GLI3: variants seen among roughly 807,000 people sequenced by gnomAD.
The protein encoded by GLI3 is transcription activator GLI3.
A neutral mutation model predicts 100.8 loss-of-function variants in GLI3; 20 were observed. The observed-to-expected ratio is 0.20, with a 90% confidence interval of 0.14 to 0.29. The LOEUF is 0.29. Among genes scored for constraint, GLI3 ranks in the 10% least tolerant of loss-of-function variants. The pLI is 1.00. For missense variants in GLI3, 2,040 were observed against 2,128.5 expected, an observed-to-expected ratio of 0.96 and a Z score of 0.82; for synonymous variants, 938 against 860.5, an observed-to-expected ratio of 1.09 and a Z score of -1.58.
chr7:42,149,953 A>C (rs930046464), intron 2 of GLI3: 1 of 152,240 alleles, frequency 6.6e-6, no homozygotes, highest in African/African-American at 2.4e-5. Flanking sequence ...AACTACCTAA[A>C]GCCAGCAGCA....
chr7:42,012,290 G>C (rs1345006920), intron 10 of GLI3, among the ~76,000 whole-genome samples: 4 of 152,188 alleles, frequency 2.6e-5, no homozygotes, highest in Admixed American at 6.5e-5. Context: ...GACAAGCCTC[G>C]TTATTAATCT....
rs185656353 is a variant in GLI3 at position 42,105,965 on chromosome 7, A to G, written c.368-29108T>C. Among the ~76,000 whole-genome samples the G allele has an allele frequency of 2.4e-3, 363 of 152,286 alleles. 2 individuals carry two copies. Among genetic ancestry groups the G allele is most frequent in the Middle Eastern group, 0.024 (7 of 294 alleles). The stretch of plus-strand genomic sequence containing the variant: ...ACCAGGAAATCAAATTTCTCAGTAC[A>G]TACCTCAATGATGAACCTTCCTTTT... On this transcript the variant is annotated intron_variant, in intron 3 of 14. Transcript: ENST00000395925.
intron 6 of GLI3, among the ~76,000 whole-genome samples, chr7:42,041,144 G>A (rs1784128650): frequency 6.6e-6 from 1 of 152,164 alleles, no homozygotes; most frequent in African/African-American, 2.4e-5. Flanking sequence ...AACCTATAGG[G>A]CATTTTAGCT....
intron 10 of GLI3, among the ~76,000 whole-genome samples, chr7:42,016,596 G>A (rs769988100): frequency 7.9e-5 from 12 of 152,088 alleles, no homozygotes; most frequent in South Asian, 2.1e-4. Flanking sequence ...ACCCAGGTCT[G>A]TCTGCTTTGA....
chr7:42,237,588 C>G (rs943230617), upstream of GLI3, among the ~76,000 whole-genome samples: 71 of 151,360 alleles, frequency 4.7e-4, no homozygotes, highest in African/African-American at 1.7e-3. Flanking sequence ...CCTCCCCGCG[C>G]TCCTCCTCCC....
At chr7:42,189,011 T>A (rs1317239120) in intron 2 of GLI3, among the ~76,000 whole-genome samples, 1 of 152,176 alleles carries the variant, frequency 6.6e-6, no homozygotes, top group Non-Finnish European at 1.5e-5. Flanking sequence ...GATAATGCGA[T>A]GTCCATGTTG....
In GLI3 at chr7:42,032,232, T is replaced by C. The variant is rs183414004; in HGVS notation, c.1029-5820A>G. ...GTACTTTATACAAATCCCATTTATA[T>C]TGCCAAAGAAAAAAAAAATTATTTG... is the stretch of plus-strand genomic sequence containing the variant. On this transcript the variant is annotated intron_variant, in intron 7 of 14. Transcript: ENST00000395925. Among the ~76,000 whole-genome samples, 269 of 152,234 alleles carry C rather than the reference T, an allele frequency of 1.8e-3. 2 individuals are homozygous for C. The highest frequency in any genetic ancestry group is 6.8e-3 in the Middle Eastern group (2 of 294).
intron 3 of GLI3, among the ~76,000 whole-genome samples, chr7:42,126,934 C>T (rs1026763079): frequency 1.3e-5 from 2 of 152,154 alleles, no homozygotes; most frequent in Non-Finnish European, 2.9e-5. Context: ...AGAGTGAGAA[C>T]CCCAGAGAAA....
rs144455815 is a variant in GLI3, at chr7:42,082,872, G to A, written c.368-6015C>T. Among the ~76,000 whole-genome samples, 807 of 152,100 alleles carry A rather than the reference G, an allele frequency of 5.3e-3. 1 individual carries two copies. Among genetic ancestry groups the A allele is most frequent in the Non-Finnish European group, 8.5e-3 (575 of 68,014 alleles). On this transcript the variant is annotated intron_variant, in intron 3 of 14. Transcript: ENST00000395925. ...AACTGCAAACTATCACATGTGGGCC[G>A]GTTTTTGTAAATAAAGTTATGTTTT...
At chr7:41,978,935 TGTG>T (rs1286737400) in intron 10 of GLI3, among the ~76,000 whole-genome samples, 187 bp from the exon 11 acceptor site, 1 of 152,268 alleles carries the variant, frequency 6.6e-6, no homozygotes, top group African/African-American at 2.4e-5. Flanking sequence ...TTTTGCTAAC[TGTG>T]TATGCATGCT....
At chr7:42,134,632 C>T (rs1786381652) in intron 3 of GLI3, among the ~76,000 whole-genome samples, 1 of 152,102 alleles carries the variant, frequency 6.6e-6, no homozygotes, top group Non-Finnish European at 1.5e-5. Flanking sequence ...GAAATCAACA[C>T]TGACAAAGAC....
At chr7:42,126,663 G>A (rs982289725) in intron 3 of GLI3, among the ~76,000 whole-genome samples, 1 of 152,208 alleles carries the variant, frequency 6.6e-6, no homozygotes, top group East Asian at 1.9e-4. Flanking sequence ...TCAGCCATAT[G>A]ATATATCCTG....
At chr7:42,165,922 G>T (rs537451241) in intron 2 of GLI3, among the ~76,000 whole-genome samples, 1 of 152,324 alleles carries the variant, frequency 6.6e-6, no homozygotes, top group East Asian at 1.9e-4. Flanking sequence ...AAATCTTAAT[G>T]TCAAGAGTAC....
chr7:42,234,835 A>T (rs1480816013), intron 1 of GLI3, among the ~76,000 whole-genome samples: 1 of 152,220 alleles, frequency 6.6e-6, no homozygotes, highest in Non-Finnish European at 1.5e-5. Context: ...GTTTCTAATT[A>T]AATAGCTTTT....
chr7:42,133,423 G>A (rs1209328094), intron 3 of GLI3, among the ~76,000 whole-genome samples: 1 of 152,118 alleles, frequency 6.6e-6, no homozygotes, highest in Non-Finnish European at 1.5e-5. Flanking sequence ...AGCCTGTGGA[G>A]CTTCTCAACC....
At chr7:42,249,198 A>G (rs2128710100) in intron 1 of GLI3, among the ~76,000 whole-genome samples, 1 of 152,316 alleles carries the variant, frequency 6.6e-6, no homozygotes, top group South Asian at 2.1e-4. Flanking sequence ...ACAACTTTTC[A>G]GGCCATACAG....
At chr7:42,246,805 CT>C (rs71006467) in intron 1 of GLI3, among the ~76,000 whole-genome samples, 1,506 of 94,402 alleles carry the variant, frequency 0.016, 1 homozygote, top group African/African-American at 0.037. Flanking sequence ...ATGATAGAAT[CT>C]TTTTTTTTTT....
intron 2 of GLI3, among the ~76,000 whole-genome samples, chr7:42,155,266 C>T (rs1786974118): frequency 3.3e-5 from 5 of 151,766 alleles, no homozygotes; most frequent in Admixed American, 3.3e-4. Flanking sequence ...ATGGAGAAAC[C>T]CCATCTCTAC....
intron 2 of GLI3, among the ~76,000 whole-genome samples, chr7:42,210,680 T>A (rs902062448): frequency 4.6e-5 from 7 of 151,558 alleles, no homozygotes; most frequent in Non-Finnish European, 7.4e-5. Flanking sequence ...AAATCATATC[T>A]TTTTTTTTCA....
Sources: gnomAD v4.1 joint callset for allele counts (sites outside exome capture counted in the v4.1 genomes callset) on GRCh38, gnomAD v4.1.1 for gene constraint, MANE v1.5 for transcripts, NCBI Gene and HGNC (gene_info 2026-07-23, HGNC 2026-07-21) for gene names.